ARHGAP35: variants seen among roughly 807,000 people sequenced by gnomAD.
ARHGAP35 encodes Rho GTPase activating protein 35.
Under a neutral mutation model 111.1 loss-of-function variants are expected in ARHGAP35, and 15 were observed. That is an observed-to-expected ratio of 0.13 (90% CI 0.09 to 0.21). ARHGAP35 has a LOEUF of 0.21. Among genes scored for constraint, ARHGAP35 ranks in the 10% least tolerant of loss-of-function variants. The pLI is 1.00. For synonymous variants in ARHGAP35, 643 were observed against 710.3 expected, an observed-to-expected ratio of 0.91 and a Z score of 1.51; for missense variants, 1,262 against 1,873.0, an observed-to-expected ratio of 0.67 and a Z score of 6.02.
chr19:46,888,543 T>C (rs1037512154), intron 1 of ARHGAP35, among the ~76,000 whole-genome samples: 1 of 150,668 alleles, frequency 6.6e-6, no homozygotes, highest in Non-Finnish European at 1.5e-5. Flanking sequence ...AAAGCACATT[T>C]TGTAAGGCTT....
intron 3 of ARHGAP35, among the ~76,000 whole-genome samples, chr19:46,951,582 T>C (rs1467569541): frequency 6.6e-6 from 1 of 152,144 alleles, no homozygotes; most frequent in Non-Finnish European, 1.5e-5. Flanking sequence ...GACCATAAAA[T>C]GGGGATAATG....
intron 3 of ARHGAP35, among the ~76,000 whole-genome samples, chr19:46,943,422 T>G (rs186189551): frequency 6.6e-6 from 1 of 152,056 alleles, no homozygotes; most frequent in Admixed American, 6.5e-5. Context: ...CTCCATAGGG[T>G]TGTATTGAAT....
In ARHGAP35 at chr19:46,988,299, C is replaced by T. The variant is rs939696558; in HGVS notation, c.3904+233C>T. ...CCAAGCTGGGTCATGTAGGCCACTC[C>T]CCACACTGCCACTCACAGATGCTCT... is the stretch of plus-strand genomic sequence containing the variant. On this transcript the variant is annotated intron_variant, in intron 4 of 6. Transcript: ENST00000672722. The surrounding 1 kb of genome is among the most constrained non-coding windows in gnomAD (Gnocchi z 5.4). The T allele has an allele frequency of 1.8e-5, 9 of 508,434 alleles. No homozygotes were observed. Among genetic ancestry groups the T allele is most frequent in the African/African-American group, 1.7e-4 (9 of 51,648 alleles). 31.5% of individuals were successfully genotyped at this position (508,434 alleles called of 1,614,324 possible).
chr19:46,909,509 C>T (rs966967125), intron 1 of ARHGAP35, among the ~76,000 whole-genome samples: 1 of 152,048 alleles, frequency 6.6e-6, no homozygotes, highest in African/African-American at 2.4e-5. Flanking sequence ...TGTTTCAAGA[C>T]CAGATAGGCA....
At chr19:46,881,638 A>G (rs553593176) in intron 1 of ARHGAP35, among the ~76,000 whole-genome samples, 2 of 152,364 alleles carry the variant, frequency 1.3e-5, no homozygotes, top group East Asian at 1.9e-4. Context: ...GAGCACAGGT[A>G]GAATACAGTT....
At chr19:46,891,647 A>G (rs1338102519) in intron 1 of ARHGAP35, among the ~76,000 whole-genome samples, 1 of 151,912 alleles carries the variant, frequency 6.6e-6, no homozygotes. Context: ...GGATGGTCTC[A>G]ATCTCTTGAC....
At chr19:46,944,711 G>A (rs1476901119) in intron 3 of ARHGAP35, among the ~76,000 whole-genome samples, 3 of 152,140 alleles carry the variant, frequency 2.0e-5, no homozygotes, top group African/African-American at 7.2e-5. Context: ...CCCTTAGTTT[G>A]TGAGTAAAGT....
chr19:46,934,970 G>A (rs1393514062), intron 2 of ARHGAP35, among the ~76,000 whole-genome samples: 3 of 152,214 alleles, frequency 2.0e-5, no homozygotes, highest in Non-Finnish European at 4.4e-5. Context: ...ACCATGCCCA[G>A]CCTTAAATTC....
At chr19:46,959,080 A>AATTT (rs1195385866) in intron 3 of ARHGAP35, among the ~76,000 whole-genome samples, 1 of 152,102 alleles carries the variant, frequency 6.6e-6, no homozygotes, top group Non-Finnish European at 1.5e-5. Context: ...TTTAAAAAAA[A>AATTT]ATTTATTTAT....
At position 46,980,841 on chromosome 19, in the gene ARHGAP35, TA is replaced by T. The variant is rs1188506616; in HGVS notation, c.3827-7147del. Among the ~76,000 whole-genome samples, 8 of 152,308 alleles carry T rather than the reference TA, an allele frequency of 5.3e-5. No individual in the cohort carries two copies. The South Asian group carries it at 1.2e-3, about 24-fold the overall frequency. ...CCAACCAGCTTTCCACTTAGATCAT[TA>T]GGATAATAGCTACTCTCTCAGCACT... On this transcript the variant is annotated intron_variant, in intron 3 of 6. Transcript: ENST00000672722.
In ARHGAP35 at chr19:46,993,074, G is replaced by A. The variant is rs2122348441; in HGVS notation, c.4036+3399G>A. On this transcript the variant is annotated intron_variant, in intron 5 of 6. Coordinates refer to ENST00000672722, the MANE Select transcript of ARHGAP35 (RefSeq NM_004491.5). The surrounding 1 kb of genome is among the most constrained non-coding windows in gnomAD (Gnocchi z 4.6). ...TGTGGACAGGGACAGATGGCAGTGG[G>A]CACACACATATGTGGTCCCAGGCTC... is the stretch of plus-strand genomic sequence containing the variant. 6.6e-6 allele frequency among the ~76,000 whole-genome samples: 1 copy of A among 152,316 alleles called. No homozygotes were observed. The highest frequency in any genetic ancestry group is 2.4e-5 in the African/African-American group (1 of 41,574).
At chr19:46,950,168 T>C (rs2122244843) in intron 3 of ARHGAP35, among the ~76,000 whole-genome samples, 1 of 152,380 alleles carries the variant, frequency 6.6e-6, no homozygotes, top group East Asian at 1.9e-4. Flanking sequence ...TGCACATTTT[T>C]GTACCTGGCT....
intron 2 of ARHGAP35, among the ~76,000 whole-genome samples, chr19:46,935,906 A>C (rs1416096939): frequency 6.6e-6 from 1 of 152,206 alleles, no homozygotes; most frequent in Non-Finnish European, 1.5e-5. Flanking sequence ...CTCAGTATTA[A>C]TCATGTTAAT....
At chr19:46,961,363 TAGGCAGATGGA>T (rs989508906) in intron 3 of ARHGAP35, among the ~76,000 whole-genome samples, 2 of 152,160 alleles carry the variant, frequency 1.3e-5, no homozygotes, top group Admixed American at 1.3e-4. Context: ...CAGAATGGAA[TAGGCAGATGGA>T]AGGATAGGTA....
At position 46,861,028 on chromosome 19, in the gene ARHGAP35, G is replaced by T. The variant is rs1398611711; in HGVS notation, c.-370G>T. 1.3e-5 allele frequency among the ~76,000 whole-genome samples: 2 copies of T among 151,258 alleles called. No homozygotes were observed. The highest frequency in any genetic ancestry group is 4.8e-5 in the African/African-American group (2 of 41,374). On this transcript the variant is annotated 5_prime_UTR_variant, in exon 1 of 7. Transcript: ENST00000672722. ...AGGGAGAGCCGCGGCGCGGCGGCAG[G>T]AGGAGGTGGAGGAGGCGGAGGAGGG...
Position 46,901,582 on chromosome 19 carries a change from G to C in ARHGAP35, c.-188-16906G>C, listed in dbSNP as rs113363235. ...TCACACAAAAAAAATGATCAAATCT[G>C]TTCTTTAAAAGATAACTTGCTGCTC... On this transcript the variant is annotated intron_variant, in intron 1 of 6. Coordinates refer to ENST00000672722, the MANE Select transcript of ARHGAP35 (RefSeq NM_004491.5). This position sits in a 1 kb window ranked among gnomAD's most constrained non-coding sequence, Gnocchi z 4.5. Among the ~76,000 whole-genome samples the C allele has an allele frequency of 2.6e-5, 4 of 152,216 alleles. 1 individual carries two copies. The highest frequency in any genetic ancestry group is 7.2e-5 in the African/African-American group (3 of 41,536).
At chr19:46,978,758 TG>T (rs2056598725) in intron 3 of ARHGAP35, among the ~76,000 whole-genome samples, 1 of 106,792 alleles carries the variant, frequency 9.4e-6, no homozygotes, top group Admixed American at 1.1e-4. Context: ...GTGTGTGTGG[TG>T]GGGCATGTGT....
intron 1 of ARHGAP35, among the ~76,000 whole-genome samples, chr19:46,863,566 C>T (rs2055840347): frequency 1.3e-5 from 2 of 152,148 alleles, no homozygotes; most frequent in Admixed American, 1.3e-4. Context: ...CACTTTCCCT[C>T]CTTCCTTCTC....
chr19:46,917,652 G>A (rs564272897), intron 1 of ARHGAP35, among the ~76,000 whole-genome samples: 13 of 152,246 alleles, frequency 8.5e-5, no homozygotes, highest in African/African-American at 2.9e-4. Flanking sequence ...TATATTGTAT[G>A]TATATATCAC....
Sources: gnomAD v4.1 joint callset for allele counts (sites outside exome capture counted in the v4.1 genomes callset) on GRCh38, gnomAD v4.1.1 for gene constraint, Gnocchi (gnomAD v3.1) non-coding constraint, MANE v1.5 for transcripts, NCBI Gene and HGNC (gene_info 2026-07-23, HGNC 2026-07-21) for gene names.